The following ZFYVE16 variants were observed in gnomAD, a reference collection of about 807,000 sequenced individuals.
ZFYVE16 encodes zinc finger FYVE-type containing 16.
In ZFYVE16, 89 loss-of-function variants were observed where a neutral mutation model predicts 138.1. The ratio of observed to expected loss-of-function variants is 0.64; its 90% CI spans 0.54 to 0.77. ZFYVE16 has a LOEUF of 0.77. ZFYVE16 is among the 30% of genes least tolerant of loss of function. ZFYVE16 has a pLI of 0.00. For missense variants in ZFYVE16, 1,793 were observed against 1,786.7 expected (o/e 1.00, Z -0.06); for synonymous variants, 596 against 618.3 (o/e 0.96, Z 0.53).
At chr5:80,455,446 A>G in intron 11 of ZFYVE16, 1 of 399,206 alleles carries the variant, frequency 2.5e-6, no homozygotes, top group South Asian at 2.7e-5. Context: ...AGGCAGGAGA[A>G]TTACTTGAAC....
chr5:80,417,308 T>A (rs1746400391), intron 1 of ZFYVE16, among the ~76,000 whole-genome samples: 1 of 152,214 alleles, frequency 6.6e-6, no homozygotes. Flanking sequence ...TTCATACATT[T>A]GGAATATAGT....
At position 80,438,571 on chromosome 5, in the gene ZFYVE16, A is replaced by T. The variant is rs1256767572; in HGVS notation, c.1886A>T (p.Glu629Val). ...VQQGLPTSKS[E>V]ITNQLSVSDI... ...CAAGGGTTACCTACCAGTAAGTCTG[A>T]GATTACAAATCAATTATCGGTCTCT... Residue 629 changes from glutamate to valine, a missense_variant, in exon 4 of 19, where the codon GAG (glutamate) becomes GTG (valine). Glu to Val is a moderately radical substitution (Grantham distance 121). Coordinates refer to ENST00000505560, the MANE Select transcript of ZFYVE16 (RefSeq NM_001284236.3). The T allele has an allele frequency of 6.2e-7, 1 of 1,614,152 alleles. No individual in the cohort carries two copies. Among genetic ancestry groups the T allele is most frequent in the East Asian group, 2.2e-5 (1 of 44,872 alleles).
At chr5:80,428,685 C>A (rs1055709448) in intron 2 of ZFYVE16, among the ~76,000 whole-genome samples, 1 of 152,110 alleles carries the variant, frequency 6.6e-6, no homozygotes, top group Non-Finnish European at 1.5e-5. Context: ...TCGAACCCAT[C>A]GCAAAGAAGC....
chr5:80,420,071 A>C (rs1431496808), intron 1 of ZFYVE16, among the ~76,000 whole-genome samples: 2 of 148,876 alleles, frequency 1.3e-5, no homozygotes, highest in Non-Finnish European at 3.0e-5. Context: ...TGGCCCCCCA[A>C]AGTGCTGGGA....
chr5:80,469,616 C>T (rs1754093933), intron 15 of ZFYVE16, among the ~76,000 whole-genome samples: 1 of 152,026 alleles, frequency 6.6e-6, no homozygotes. Flanking sequence ...AGATTCCAGT[C>T]TCTTCTTCTA....
intron 15 of ZFYVE16, among the ~76,000 whole-genome samples, chr5:80,462,275 A>G (rs1158488686): frequency 6.6e-6 from 1 of 152,232 alleles, no homozygotes; most frequent in East Asian, 1.9e-4. Context: ...ATTGACTCAC[A>G]GTTCAGCGTG....
intron 1 of ZFYVE16, among the ~76,000 whole-genome samples, chr5:80,415,579 G>A (rs183898382): frequency 2.6e-5 from 4 of 152,218 alleles, no homozygotes; most frequent in East Asian, 3.9e-4. Context: ...TGTTTTTCTC[G>A]TTATTATATT....
chr5:80,472,902 C>G lies in ZFYVE16; in HGVS notation c.4166C>G (p.Ala1389Gly), dbSNP rs868099238. Residue 1389 changes from alanine to glycine, a missense_variant, in exon 16 of 19, where the codon GCT becomes GGT. This residue lies in a region of ZFYVE16 where 498 missense variants were observed against 582.4 expected (regional missense o/e 0.86). Coordinates refer to ENST00000505560, the MANE Select transcript of ZFYVE16 (RefSeq NM_001284236.3). The part of the protein sequence containing the change: ...REYVDICWVD[A>G]EEKGNKGVIS... ...TACGTGGATATCTGCTGGGTAGATG[C>G]TGAAGAAAAAGGAAACAAAGGGTAG... 2 of 1,600,668 alleles carry G rather than the reference C, an allele frequency of 1.2e-6. No homozygotes were observed. Among genetic ancestry groups the G allele is most frequent in the African/African-American group, 2.7e-5 (2 of 74,308 alleles).
rs574214437 is a variant in ZFYVE16 at position 80,460,783 on chromosome 5, G to A, written c.4024+1289G>A. ...TAGTCAGTTTGCTTAACTCTGTACC[G>A]ATTCCATACTATTTTATTATCATTG... On this transcript the variant is annotated intron_variant, in intron 15 of 18. Transcript: ENST00000505560. 3.3e-5 allele frequency among the ~76,000 whole-genome samples: 5 copies of A among 152,126 alleles called. 1 individual carries two copies. The South Asian group carries it at 6.2e-4, about 19-fold the overall frequency.
At chr5:80,441,930 A>G in intron 5 of ZFYVE16, 1 of 985,358 alleles carries the variant, frequency 1.0e-6, no homozygotes, top group Non-Finnish European at 1.2e-6. Context: ...TTCAGGCACT[A>G]TTCTGCATTC....
chr5:80,472,326 C>T lies in ZFYVE16; in HGVS notation c.4025-435C>T, dbSNP rs925402947. 2.0e-5 allele frequency among the ~76,000 whole-genome samples: 3 copies of T among 151,306 alleles called. No individual in the cohort carries two copies. The South Asian group carries it at 6.3e-4, about 32-fold the overall frequency. ...GCTCAGGGCAGAGAGTAAGGGCTCTCTGCCTGGGAATAATTTCCTCATGGT... is the reference window on the plus strand; with the variant it reads ...GCTCAGGGCAGAGAGTAAGGGCTCTTTGCCTGGGAATAATTTCCTCATGGT... On this transcript the variant is annotated intron_variant, in intron 15 of 18. Transcript: ENST00000505560.
intron 2 of ZFYVE16, among the ~76,000 whole-genome samples, chr5:80,432,112 G>A (rs1034158651): frequency 1.4e-4 from 21 of 151,878 alleles, no homozygotes; most frequent in African/African-American, 3.4e-4. Flanking sequence ...ACCAAAAAAG[G>A]GCCCGCATTG....
intron 15 of ZFYVE16, among the ~76,000 whole-genome samples, chr5:80,470,798 A>G (rs573478583): frequency 1.1e-4 from 16 of 152,296 alleles, no homozygotes; most frequent in South Asian, 2.1e-4. Flanking sequence ...GTTGTGAGCC[A>G]CCACACCTGG....
intron 2 of ZFYVE16, among the ~76,000 whole-genome samples, chr5:80,428,131 G>A (rs528171908): frequency 7.9e-5 from 12 of 152,238 alleles, no homozygotes; most frequent in African/African-American, 2.9e-4. Context: ...CACGGAGTTT[G>A]AGATGTGAGA....
rs1031552869 is a variant in ZFYVE16, at chr5:80,408,101, T to A, written c.-146T>A. 5 of 152,240 alleles carry A rather than the reference T, an allele frequency of 3.3e-5. No individual in the cohort carries two copies. The highest frequency in any genetic ancestry group is 7.3e-5 in the Non-Finnish European group (5 of 68,050). The allele number at this position is 152,240 out of a possible 1,614,324, so 9.4% of individuals were successfully genotyped here. A position where few individuals can be genotyped will look rare whatever the true frequency, so the allele number is the denominator to read the frequency against. ...CCCGGCCGGGGTAGCTCTTCACTCC[T>A]CAGCGCGACGTCGTGTCGAGTTCCC... is the stretch of plus-strand genomic sequence containing the variant. On this transcript the variant is annotated 5_prime_UTR_variant, in exon 1 of 19. Coordinates refer to ENST00000505560, the MANE Select transcript of ZFYVE16 (RefSeq NM_001284236.3).
At chr5:80,466,073 C>A (rs1376435728) in intron 15 of ZFYVE16, among the ~76,000 whole-genome samples, 1 of 151,814 alleles carries the variant, frequency 6.6e-6, no homozygotes, top group African/African-American at 2.4e-5. Context: ...TACAGGCACC[C>A]ACCACCACGC....
Position 80,474,849 on chromosome 5 carries a change from A to C in ZFYVE16, c.4461+19A>C, listed in dbSNP as rs759008534. ...TGATATGGTGAGGCATGTTTTTGTG[A>C]TGTATTTTTGAAATGAATGTATTGC... is the stretch of plus-strand genomic sequence containing the variant. On this transcript the variant is annotated intron_variant, in intron 18 of 18. Coordinates refer to ENST00000505560, the MANE Select transcript of ZFYVE16 (RefSeq NM_001284236.3). The C allele has an allele frequency of 1.1e-5, 18 of 1,580,846 alleles. No homozygotes were observed. The African/African-American group carries it at 2.5e-4, about 22-fold the overall frequency.
chr5:80,455,554 CT>C, intron 11 of ZFYVE16, 137 bp from the exon 12 acceptor site: 1 of 716,044 alleles, frequency 1.4e-6, no homozygotes, highest in Non-Finnish European at 2.3e-6. Context: ...AAAAAATTAT[CT>C]CTCACTTTCC....
intron 18 of ZFYVE16, among the ~76,000 whole-genome samples, chr5:80,476,564 T>G (rs1754931955): frequency 6.6e-6 from 1 of 152,240 alleles, no homozygotes. Context: ...CTTTCTGACA[T>G]CCAGGTAACT....
Sources: allele counts gnomAD v4.1 joint callset (sites outside exome capture counted in the v4.1 genomes callset), GRCh38; gene constraint gnomAD v4.1.1; regional missense constraint gnomAD v4.1.1; transcripts MANE v1.5; gene names NCBI Gene and HGNC (gene_info 2026-07-23, HGNC 2026-07-21).